Variants in STARD13 observed in about 807,000 individuals in gnomAD.
STARD13 encodes stAR-related lipid transfer protein 13.
STARD13 carries 62 observed loss-of-function variants against 106.4 expected under a neutral mutation model. That is an observed-to-expected ratio of 0.58 (90% CI 0.48 to 0.72). STARD13 has a LOEUF of 0.72. Among genes scored for constraint, STARD13 ranks in the 30% least tolerant of loss-of-function variants. The pLI is 0.00. For synonymous variants in STARD13, 565 were observed against 553.0 expected (o/e 1.02, Z -0.31); for missense variants, 1,387 against 1,424.0 (o/e 0.97, Z 0.42).
chr13:33,282,088 C>T (rs1467451697), intron 1 of STARD13, among the ~76,000 whole-genome samples: 1 of 152,132 alleles, frequency 6.6e-6, no homozygotes, highest in Non-Finnish European at 1.5e-5. Context: ...ATCCTCTCTC[C>T]TATCCACTCC....
At chr13:33,413,169 A>C in the STARD13 span, among the ~76,000 whole-genome samples, 1 of 152,192 alleles carries the variant, frequency 6.6e-6, no homozygotes. Context: ...TAAATAATCT[A>C]TGGCTCAAGG....
chr13:33,462,491 G>A, the STARD13 span, among the ~76,000 whole-genome samples: 1 of 152,280 alleles, frequency 6.6e-6, no homozygotes, highest in African/African-American at 2.4e-5. Context: ...CGATCACAAG[G>A]TCAAGCCCCA....
chr13:33,557,442 T>C, the STARD13 span, among the ~76,000 whole-genome samples: 4 of 152,220 alleles, frequency 2.6e-5, no homozygotes, highest in African/African-American at 9.6e-5. Context: ...TTAAAAATCT[T>C]GCAGCCATTA....
the STARD13 span, among the ~76,000 whole-genome samples, chr13:33,580,078 T>A: frequency 3.3e-5 from 5 of 152,056 alleles, no homozygotes; most frequent in Admixed American, 1.3e-4. Context: ...CCAAATGAAT[T>A]GAAAACTTAT....
At chr13:33,546,423 GACTA>G in the STARD13 span, among the ~76,000 whole-genome samples, 15 of 152,138 alleles carry the variant, frequency 9.9e-5, no homozygotes, top group Admixed American at 2.6e-4. Context: ...GTCACATTTT[GACTA>G]ACTATTGGGC....
At chr13:33,275,336 A>T (rs1468280133) in intron 1 of STARD13, among the ~76,000 whole-genome samples, 1 of 152,242 alleles carries the variant, frequency 6.6e-6, no homozygotes, top group Non-Finnish European at 1.5e-5. Flanking sequence ...TTGATGATGC[A>T]GCAGTTTGAA....
At chr13:33,251,139 T>C (rs545154036) in intron 1 of STARD13, among the ~76,000 whole-genome samples, 1 of 152,350 alleles carries the variant, frequency 6.6e-6, no homozygotes, top group East Asian at 1.9e-4. Context: ...CTCATGTTTT[T>C]ATTTATAAAA....
the STARD13 span, among the ~76,000 whole-genome samples, chr13:33,671,532 C>T: frequency 2.6e-5 from 4 of 152,154 alleles, no homozygotes; most frequent in Admixed American, 2.6e-4. Context: ...GAGTTCAAGA[C>T]CGGCCTGGGC....
At chr13:33,526,785 G>C in the STARD13 span, among the ~76,000 whole-genome samples, 2 of 152,116 alleles carry the variant, frequency 1.3e-5, no homozygotes, top group African/African-American at 4.8e-5. Context: ...TACTAAGTGA[G>C]GAGTTAATAT....
chr13:33,104,997 T>C lies in STARD13; in HGVS notation c.*596A>G, dbSNP rs1158288769. The C allele has an allele frequency of 3.3e-5, 5 of 152,806 alleles. No individual in the cohort carries two copies. Among genetic ancestry groups the C allele is most frequent in the African/African-American group, 1.2e-4 (5 of 41,464 alleles). The allele number at this position is 152,806 out of a possible 1,614,324, so 9.5% of individuals were successfully genotyped here. ...ACAAAGCGTTAACACATAAGTCTCC[T>C]TTAATGTTATTTTCCTTTGGTTAAC... On this transcript the variant is annotated 3_prime_UTR_variant, in exon 14 of 14. Transcript: ENST00000336934.
At chr13:33,585,206 G>A in the STARD13 span, among the ~76,000 whole-genome samples, 1 of 152,108 alleles carries the variant, frequency 6.6e-6, no homozygotes, top group Non-Finnish European at 1.5e-5. Flanking sequence ...AATCACTATG[G>A]AAAATAGTAT....
At chr13:33,669,644 T>A in the STARD13 span, among the ~76,000 whole-genome samples, 1 of 149,746 alleles carries the variant, frequency 6.7e-6, no homozygotes, top group African/African-American at 2.5e-5. Context: ...CAAGCAATTC[T>A]CCTGCCTCAG....
At chr13:33,283,755 ACTGAGGGTGCC>A (rs1891919993) in intron 1 of STARD13, among the ~76,000 whole-genome samples, 1 of 152,154 alleles carries the variant, frequency 6.6e-6, no homozygotes, top group Non-Finnish European at 1.5e-5. Flanking sequence ...TGAAACATAA[ACTGAGGGTGCC>A]CATATGTCTG....
Position 33,110,035 on chromosome 13 carries a change from G to C in STARD13, c.2885C>G (p.Pro962Arg), listed in dbSNP as rs748514950. The C allele has an allele frequency of 6.2e-7, 1 of 1,614,108 alleles. No individual in the cohort carries two copies. The highest frequency in any genetic ancestry group is 1.1e-5 in the South Asian group (1 of 91,090). The change falls in exon 12 of 14, where the codon CCC (proline) becomes CGC (arginine). Residue 962 changes from proline (P) to arginine (R), a missense_variant. Pro to Arg is a moderately radical substitution (Grantham distance 103, BLOSUM62 -2). Coordinates refer to ENST00000336934, the MANE Select transcript of STARD13 (RefSeq NM_178006.4). ...CACGCGGTTCAGGACCACTGAGGGG[G>C]GTGCTTCCACCTCCACAGAAGCCTT... is the stretch of plus-strand genomic sequence containing the variant. Reference protein sequence around the residue: ...LWKASVEVEAPPSVVLNRVLR... With the variant: ...LWKASVEVEARPSVVLNRVLR...
the STARD13 span, among the ~76,000 whole-genome samples, chr13:33,384,191 C>T: frequency 6.6e-6 from 1 of 152,290 alleles, no homozygotes; most frequent in East Asian, 1.9e-4. Flanking sequence ...ATAAAAGGAA[C>T]AGTGACATTG....
intron 3 of STARD13, among the ~76,000 whole-genome samples, chr13:33,154,869 G>A (rs529687552): frequency 4.7e-4 from 71 of 152,294 alleles, no homozygotes; most frequent in African/African-American, 1.6e-3. Context: ...CAAAGCAGCC[G>A]CGCGGGAACC....
At chr13:33,200,748 A>G (rs892670578) in intron 1 of STARD13, among the ~76,000 whole-genome samples, 19 of 152,194 alleles carry the variant, frequency 1.2e-4, no homozygotes, top group Non-Finnish European at 1.3e-4. Context: ...AGGGCCGGGC[A>G]TGGTGGCTCA....
At chr13:33,303,145 G>A (rs1279561375) in intron 1 of STARD13, among the ~76,000 whole-genome samples, 2 of 152,100 alleles carry the variant, frequency 1.3e-5, no homozygotes, top group Non-Finnish European at 2.9e-5. Context: ...CCCCTCATGT[G>A]TACGCCACCT....
the STARD13 span, among the ~76,000 whole-genome samples, chr13:33,361,245 A>G: frequency 2.0e-5 from 3 of 151,748 alleles, no homozygotes; most frequent in African/African-American, 7.3e-5. Context: ...TGTGAAGACA[A>G]TGAGAATGAA....
Sources: allele counts gnomAD v4.1 joint callset (sites outside exome capture counted in the v4.1 genomes callset), GRCh38; gene constraint gnomAD v4.1.1; transcripts MANE v1.5; gene names NCBI Gene and HGNC (gene_info 2026-07-23, HGNC 2026-07-21).